Variants in CLASP1 observed in about 807,000 individuals in gnomAD.
CLASP1 encodes the protein cytoplasmic linker associated protein 1, also known as CLIP-associating protein 1.
Under a neutral mutation model 192.3 loss-of-function variants are expected in CLASP1, and 38 were observed. The observed-to-expected ratio is 0.20, with a 90% CI of 0.15 to 0.26. The LOEUF (loss-of-function observed/expected upper bound fraction) is 0.26. CLASP1 is among the 10% of genes least tolerant of loss of function. The pLI is 1.00. For synonymous variants in CLASP1, 691 were observed against 712.8 expected, an observed-to-expected ratio of 0.97 and a Z score of 0.49; for missense variants, 1,433 against 1,932.5, an observed-to-expected ratio of 0.74 and a Z score of 4.85.
At chr2:121,525,899 T>C in exon 6 of CLASP1, 1 of 1,613,364 alleles carries the variant, frequency 6.2e-7, no homozygotes, top group Non-Finnish European at 8.5e-7. Flanking sequence ...TCTTGCTTAG[T>C]GTTAAAGTCT....
At chr2:121,420,836 G>GA (rs952217202) in intron 22 of CLASP1, among the ~76,000 whole-genome samples, 1 of 151,998 alleles carries the variant, frequency 6.6e-6, no homozygotes, top group Non-Finnish European at 1.5e-5. Context: ...GAACAACGGG[G>GA]AAAAAAATGC....
At chr2:121,631,754 T>C (rs562146959) in intron 1 of CLASP1, among the ~76,000 whole-genome samples, 102 of 151,214 alleles carry the variant, frequency 6.7e-4, no homozygotes, top group Non-Finnish European at 1.1e-3. Flanking sequence ...CTACAAAAAA[T>C]ACAAAAATCG....
chr2:121,442,342 A>G (rs543221044), intron 19 of CLASP1, among the ~76,000 whole-genome samples: 2 of 152,314 alleles, frequency 1.3e-5, no homozygotes, highest in African/African-American at 4.8e-5. Context: ...TTCTTTACAA[A>G]AAGTATTTTT....
chr2:121,474,683 C>T (rs1327887942), intron 8 of CLASP1, among the ~76,000 whole-genome samples: 1 of 152,100 alleles, frequency 6.6e-6, no homozygotes. Context: ...TTGCAGTGAG[C>T]CAAGATCGCA....
chr2:121,577,222 T>C (rs577945236), intron 2 of CLASP1, among the ~76,000 whole-genome samples: 1 of 141,728 alleles, frequency 7.1e-6, no homozygotes, highest in Admixed American at 7.1e-5. Flanking sequence ...TACGTATCTT[T>C]AAAAAAAAAA....
chr2:121,533,971 G>A (rs1226624540), intron 2 of CLASP1, among the ~76,000 whole-genome samples: 2 of 152,104 alleles, frequency 1.3e-5, no homozygotes, highest in Non-Finnish European at 2.9e-5. Flanking sequence ...GAGAGAAGAG[G>A]GCTGACCAGG....
chr2:121,463,859 T>G (rs1306815477), intron 9 of CLASP1, among the ~76,000 whole-genome samples: 1 of 151,434 alleles, frequency 6.6e-6, no homozygotes, highest in Non-Finnish European at 1.5e-5. Context: ...TTTATTATTA[T>G]TATACTTTAA....
intron 2 of CLASP1, among the ~76,000 whole-genome samples, chr2:121,585,762 T>G (rs1169110826): frequency 6.6e-6 from 1 of 152,040 alleles, no homozygotes; most frequent in Non-Finnish European, 1.5e-5. Context: ...CTGGGCACGG[T>G]CGTGCGTACC....
chr2:121,635,809 C>G (rs2070735452), intron 1 of CLASP1, among the ~76,000 whole-genome samples: 1 of 152,136 alleles, frequency 6.6e-6, no homozygotes, highest in Admixed American at 6.5e-5. Flanking sequence ...GAGCATTTGT[C>G]AAAAATGAAA....
At chr2:121,593,543 G>A (rs1205705252) in intron 2 of CLASP1, among the ~76,000 whole-genome samples, 2 of 150,404 alleles carry the variant, frequency 1.3e-5, no homozygotes, top group Non-Finnish European at 3.0e-5. Flanking sequence ...CGCTTGATCC[G>A]GGGAGGCGGA....
chr2:121,478,889 ACACACACACACCACAC>A (rs2092219711), intron 8 of CLASP1, among the ~76,000 whole-genome samples: 1 of 11,310 alleles, frequency 8.8e-5, no homozygotes, highest in Non-Finnish European at 2.0e-4. Context: ...CACACACACC[ACACACACACACCACAC>A]CACACACACC....
At chr2:121,518,869 C>A (rs866345396) in intron 6 of CLASP1, among the ~76,000 whole-genome samples, 1 of 152,124 alleles carries the variant, frequency 6.6e-6, no homozygotes, top group Non-Finnish European at 1.5e-5. Context: ...CAGAACAAGA[C>A]GCTGTCTCAA....
chr2:121,560,849 A>T (rs917175100), intron 2 of CLASP1, among the ~76,000 whole-genome samples: 3 of 152,140 alleles, frequency 2.0e-5, no homozygotes, highest in Non-Finnish European at 4.4e-5. Context: ...ATTCTCCTGC[A>T]TCAGCCTCCC....
intron 5 of CLASP1, among the ~76,000 whole-genome samples, chr2:121,527,032 C>T (rs1385320022): frequency 6.6e-6 from 1 of 152,158 alleles, no homozygotes; most frequent in Non-Finnish European, 1.5e-5. Context: ...TCGGACATTG[C>T]TGGTAGGAAT....
chr2:121,626,470 C>T (rs538534719), intron 1 of CLASP1, among the ~76,000 whole-genome samples: 1 of 152,308 alleles, frequency 6.6e-6, no homozygotes, highest in Non-Finnish European at 1.5e-5. Context: ...CCTACAAAAC[C>T]TCTGTCAGAT....
intron 16 of CLASP1, among the ~76,000 whole-genome samples, 184 bp from the exon 17 acceptor site, chr2:121,449,304 C>T (rs2084956085): frequency 6.6e-6 from 1 of 152,134 alleles, no homozygotes; most frequent in Admixed American, 6.5e-5. Flanking sequence ...ATTTTACTGT[C>T]TTTTAGACTA....
intron 2 of CLASP1, among the ~76,000 whole-genome samples, chr2:121,578,419 C>A: frequency 1.5e-5 from 1 of 65,330 alleles, no homozygotes; most frequent in Non-Finnish European, 2.6e-5. Context: ...GAGAGACTAT[C>A]TCCAAAAAAA....
At chr2:121,623,806 TCA>T (rs1346163087) in intron 1 of CLASP1, among the ~76,000 whole-genome samples, 2 of 152,092 alleles carry the variant, frequency 1.3e-5, no homozygotes, top group Admixed American at 1.3e-4. Context: ...CAACATCACA[TCA>T]CTGCACTCCA....
chr2:121,372,436 A>G (rs1174851831), intron 34 of CLASP1, among the ~76,000 whole-genome samples: 1 of 152,136 alleles, frequency 6.6e-6, no homozygotes, highest in Admixed American at 6.5e-5. Flanking sequence ...TATCTCTCAA[A>G]TATCTAACTT....
Sources: gnomAD v4.1 joint callset for allele counts (sites outside exome capture counted in the v4.1 genomes callset) on GRCh38, gnomAD v4.1.1 for gene constraint, MANE v1.5 for transcripts, NCBI Gene and HGNC (gene_info 2026-07-23, HGNC 2026-07-21) for gene names.